The following MCTP1 variants were observed in gnomAD, a reference collection of about 807,000 sequenced individuals.
MCTP1 encodes multiple C2 and transmembrane domain containing 1, also known as multiple C2 and transmembrane domain-containing protein 1.
In MCTP1, 69 loss-of-function variants were observed where a neutral mutation model predicts 120.6. The observed-to-expected ratio is 0.57, with a 90% CI of 0.47 to 0.70. The LOEUF (loss-of-function observed/expected upper bound fraction) is 0.70, where lower values mean the gene tolerates loss of function less well. Among genes scored for constraint, MCTP1 ranks in the 30% least tolerant of loss-of-function variants. The probability of loss-of-function intolerance (pLI) is 0.00; values close to 1 mark genes in which losing one functional copy is unlikely to be tolerated. For synonymous variants in MCTP1, 529 were observed against 493.1 expected, an observed-to-expected ratio of 1.07 and a Z score of -0.96; for missense variants, 1,203 against 1,248.8, an observed-to-expected ratio of 0.96 and a Z score of 0.55.
chr5:95,244,382 T>C (rs1361653239), intron 1 of MCTP1, among the ~76,000 whole-genome samples: 2 of 152,126 alleles, frequency 1.3e-5, no homozygotes, highest in Admixed American at 1.3e-4. Flanking sequence ...GGGCATCACC[T>C]CACCCGGGAA....
At chr5:95,007,309 C>T (rs1834963381) in intron 2 of MCTP1, among the ~76,000 whole-genome samples, 1 of 152,050 alleles carries the variant, frequency 6.6e-6, no homozygotes, top group Non-Finnish European at 1.5e-5. Context: ...ATATCACTGT[C>T]CATCCTATCC....
rs139883908 is a variant in MCTP1 at position 94,852,011 on chromosome 5, A to C, written c.2436+16322T>G. On this transcript the variant is annotated intron_variant, in intron 17 of 22. Coordinates refer to ENST00000515393, the MANE Select transcript of MCTP1 (RefSeq NM_024717.7). ...AATGATCTTAATTTTATTTTAATTA[A>C]GGAGGTGATCTTTTTCATAGAAATG... Among the ~76,000 whole-genome samples the C allele has an allele frequency of 4.6e-3, 706 of 152,022 alleles. 2 individuals carry two copies. Among genetic ancestry groups the C allele is most frequent in the Non-Finnish European group, 5.1e-3 (347 of 67,876 alleles).
At chr5:94,788,740 T>A (rs1778283707) in intron 18 of MCTP1, 1 of 152,084 alleles carries the variant, frequency 6.6e-6, no homozygotes, top group African/African-American at 2.4e-5. Flanking sequence ...GCAAAGTCAT[T>A]TAGAAAGAAC....
At chr5:94,719,500 A>G (rs1763152682) in intron 19 of MCTP1, among the ~76,000 whole-genome samples, 1 of 152,246 alleles carries the variant, frequency 6.6e-6, no homozygotes, top group South Asian at 2.1e-4. Context: ...AAAAGGAACT[A>G]GATCATGTCC....
chr5:95,183,082 C>T (rs1417144788), intron 1 of MCTP1, among the ~76,000 whole-genome samples: 1 of 151,190 alleles, frequency 6.6e-6, no homozygotes, highest in African/African-American at 2.4e-5. Flanking sequence ...AGGACAGCGC[C>T]AGTATAAGGA....
At chr5:94,714,738 C>T (rs1361772671) in intron 20 of MCTP1, 39 bp downstream of exon 20, 3 of 1,189,200 alleles carry the variant, frequency 2.5e-6, no homozygotes, top group Non-Finnish European at 2.5e-6. Flanking sequence ...GACACCTTAT[C>T]CCACAGAAGA....
chr5:95,096,188 T>C (rs778912247), intron 1 of MCTP1, among the ~76,000 whole-genome samples: 3 of 152,224 alleles, frequency 2.0e-5, no homozygotes, highest in African/African-American at 7.2e-5. Flanking sequence ...ATATCCACTG[T>C]GGAGACTGAC....
chr5:94,798,572 C>A (rs1780547607), intron 18 of MCTP1, among the ~76,000 whole-genome samples: 1 of 152,082 alleles, frequency 6.6e-6, no homozygotes, highest in Non-Finnish European at 1.5e-5. Context: ...ATTTCCAGGT[C>A]AACAACCATC....
At chr5:95,043,614 C>T (rs1842704307) in intron 1 of MCTP1, among the ~76,000 whole-genome samples, 1 of 152,124 alleles carries the variant, frequency 6.6e-6, no homozygotes, top group Non-Finnish European at 1.5e-5. Context: ...TGTTGATTTG[C>T]TTTCCATATA....
At chr5:95,180,641 G>A (rs1748500423) in intron 1 of MCTP1, among the ~76,000 whole-genome samples, 2 of 152,064 alleles carry the variant, frequency 1.3e-5, no homozygotes, top group South Asian at 4.2e-4. Flanking sequence ...TCTGTATCTA[G>A]TAACTCCCTA....
chr5:95,081,850 G>C, intron 1 of MCTP1: 1 of 1,007,490 alleles, frequency 9.9e-7, no homozygotes, highest in Non-Finnish European at 1.2e-6. Context: ...AGTGTTAGTA[G>C]TCAACCTCTT....
intron 1 of MCTP1, among the ~76,000 whole-genome samples, chr5:95,108,789 C>A (rs1400858146): frequency 2.0e-5 from 3 of 152,116 alleles, no homozygotes; most frequent in African/African-American, 4.8e-5. Flanking sequence ...GTAAAGAGGT[C>A]TTAGAATGGG....
chr5:95,190,982 C>T (rs973832223), intron 1 of MCTP1, among the ~76,000 whole-genome samples: 1 of 151,878 alleles, frequency 6.6e-6, no homozygotes, highest in African/African-American at 2.4e-5. Flanking sequence ...GTCAGTCAAA[C>T]ACAAAGAAAA....
At chr5:94,722,255 T>C (rs1289125138) in intron 19 of MCTP1, among the ~76,000 whole-genome samples, 1 of 152,186 alleles carries the variant, frequency 6.6e-6, no homozygotes, top group African/African-American at 2.4e-5. Flanking sequence ...TCCCCTTCAC[T>C]GAGTCTGTTC....
At chr5:95,018,378 G>A (rs1429391672) in intron 1 of MCTP1, among the ~76,000 whole-genome samples, 2 of 151,938 alleles carry the variant, frequency 1.3e-5, no homozygotes, top group Admixed American at 6.6e-5. Flanking sequence ...ATGCATGGAT[G>A]AGGTAAAATA....
intron 1 of MCTP1, among the ~76,000 whole-genome samples, chr5:95,084,697 T>G (rs1755295730): frequency 6.6e-6 from 1 of 152,162 alleles, no homozygotes; most frequent in Non-Finnish European, 1.5e-5. Context: ...ACTTGTTTAT[T>G]AACATCTCAT....
chr5:95,029,229 G>A (rs953189476), intron 1 of MCTP1, among the ~76,000 whole-genome samples: 8 of 152,120 alleles, frequency 5.3e-5, no homozygotes, highest in African/African-American at 1.4e-4. Context: ...TTTAGATGCA[G>A]GTGATGAGGA....
intron 18 of MCTP1, among the ~76,000 whole-genome samples, chr5:94,783,318 C>T (rs371927198): frequency 6.6e-6 from 1 of 152,086 alleles, no homozygotes; most frequent in East Asian, 1.9e-4. Context: ...TAATATGTGG[C>T]CATACATTTA....
intron 17 of MCTP1, among the ~76,000 whole-genome samples, chr5:94,804,955 A>C (rs1386233364): frequency 6.6e-6 from 1 of 152,186 alleles, no homozygotes; most frequent in Non-Finnish European, 1.5e-5. Context: ...ATTGAAACAA[A>C]AAAAATCTAG....
Sources: gnomAD v4.1 joint callset for allele counts (sites outside exome capture counted in the v4.1 genomes callset) on GRCh38, gnomAD v4.1.1 for gene constraint, MANE v1.5 for transcripts, NCBI Gene and HGNC (gene_info 2026-07-23, HGNC 2026-07-21) for gene names.